BNC2: variants seen among roughly 807,000 people sequenced by gnomAD.
The protein encoded by BNC2 is basonuclin zinc finger protein 2.
In BNC2, 20 loss-of-function variants were observed where a neutral mutation model predicts 76.3. That is an observed-to-expected ratio of 0.26 (90% CI 0.18 to 0.38). The LOEUF (loss-of-function observed/expected upper bound fraction) is 0.38. Ranked by LOEUF, BNC2 falls within the 10% of genes least tolerant of loss-of-function variation. The probability of loss-of-function intolerance (pLI) is 1.00; values close to 1 mark genes in which losing one functional copy is unlikely to be tolerated. For missense variants in BNC2, 1,382 were observed against 1,399.8 expected, an observed-to-expected ratio of 0.99 and a Z score of 0.20; for synonymous variants, 582 against 514.8, an observed-to-expected ratio of 1.13 and a Z score of -1.77.
chr9:16,496,189 G>T (rs772892250), intron 5 of BNC2, among the ~76,000 whole-genome samples: 1 of 151,868 alleles, frequency 6.6e-6, no homozygotes, highest in African/African-American at 2.4e-5. Flanking sequence ...GATTACAAGC[G>T]TGAGCCACTG....
chr9:16,612,833 G>C (rs1337846940), intron 3 of BNC2, among the ~76,000 whole-genome samples: 1 of 152,158 alleles, frequency 6.6e-6, no homozygotes, highest in Non-Finnish European at 1.5e-5. Flanking sequence ...AGGCTTTCAA[G>C]AGGCACTGGA....
intron 1 of BNC2, among the ~76,000 whole-genome samples, chr9:16,793,805 G>A (rs1210044725): frequency 6.6e-6 from 1 of 150,560 alleles, no homozygotes; most frequent in African/African-American, 2.4e-5. Context: ...AGCTGGGACT[G>A]GGACTGCAGG....
intron 1 of BNC2, among the ~76,000 whole-genome samples, chr9:16,782,597 ACT>A (rs59203052): frequency 0.022 from 3,360 of 152,156 alleles, 114 homozygotes; most frequent in African/African-American, 0.076. Flanking sequence ...CCACTGGCTG[ACT>A]CTGAAGAATA....
intron 3 of BNC2, among the ~76,000 whole-genome samples, chr9:16,678,962 T>C (rs1320750469): frequency 6.6e-6 from 1 of 152,202 alleles, no homozygotes; most frequent in East Asian, 1.9e-4. Flanking sequence ...TCGCCCAAGA[T>C]AGTTGTTTTT....
At chr9:16,584,951 AG>A (rs528768936) in intron 3 of BNC2, among the ~76,000 whole-genome samples, 119 of 152,288 alleles carry the variant, frequency 7.8e-4, no homozygotes, top group Admixed American at 1.3e-3. Context: ...CAATAATAAA[AG>A]CTTTCATAAA....
chr9:16,526,865 A>G (rs77655800), intron 5 of BNC2, among the ~76,000 whole-genome samples: 3,554 of 152,330 alleles, frequency 0.023, 152 homozygotes, highest in African/African-American at 0.079. Flanking sequence ...AGTAGGAGAA[A>G]AAGACAAGTA....
intron 1 of BNC2, 129 bp from the exon 2 acceptor site, chr9:16,738,614 G>A: frequency 1.9e-6 from 2 of 1,065,094 alleles, no homozygotes; most frequent in South Asian, 2.9e-5. Flanking sequence ...TTTTTTAAGA[G>A]TTAATAGTTT....
At chr9:16,528,782 T>A (rs930158806) in intron 5 of BNC2, among the ~76,000 whole-genome samples, 1 of 152,142 alleles carries the variant, frequency 6.6e-6, no homozygotes, top group African/African-American at 2.4e-5. Context: ...TATATCCACA[T>A]AATGGGAAAT....
intron 3 of BNC2, among the ~76,000 whole-genome samples, chr9:16,702,060 T>C (rs1587331734): frequency 6.6e-6 from 1 of 152,320 alleles, no homozygotes; most frequent in African/African-American, 2.4e-5. Context: ...CACATTATTT[T>C]GCTCAACAAA....
chr9:16,766,078 C>T (rs904564070), intron 1 of BNC2, among the ~76,000 whole-genome samples: 5 of 152,172 alleles, frequency 3.3e-5, no homozygotes, highest in Non-Finnish European at 4.4e-5. Flanking sequence ...TGAGCCACCG[C>T]GCCCGGCACT....
chr9:16,663,128 C>CTTTTTTTTTTTTTTTTTTTTTTTTTT (rs1220327938), intron 3 of BNC2, among the ~76,000 whole-genome samples: 1 of 51,650 alleles, frequency 1.9e-5, no homozygotes, highest in African/African-American at 6.9e-5. Flanking sequence ...ACTCTGTTTA[C>CTTTTTTTTTTTTTTTTTTTTTTTTTT]TCTTTTTTTT....
At chr9:16,610,595 A>G (rs1820517598) in intron 3 of BNC2, among the ~76,000 whole-genome samples, 1 of 152,194 alleles carries the variant, frequency 6.6e-6, no homozygotes, top group Admixed American at 6.6e-5. Flanking sequence ...AATACAAAGT[A>G]GATCTTAAAA....
intron 5 of BNC2, among the ~76,000 whole-genome samples, chr9:16,438,474 C>T (rs1205503251): frequency 6.6e-6 from 1 of 152,002 alleles, no homozygotes; most frequent in Non-Finnish European, 1.5e-5. Flanking sequence ...TCATTTTTGC[C>T]AGTAACTATG....
At chr9:16,854,228 A>G (rs1819198998) in intron 1 of BNC2, among the ~76,000 whole-genome samples, 3 of 152,258 alleles carry the variant, frequency 2.0e-5, no homozygotes, top group Non-Finnish European at 4.4e-5. Context: ...GGAAGCTGCT[A>G]GAATTAACCA....
intron 1 of BNC2, among the ~76,000 whole-genome samples, chr9:16,866,551 G>A (rs1247363665): frequency 6.7e-6 from 1 of 149,920 alleles, no homozygotes; most frequent in Non-Finnish European, 1.5e-5. Context: ...TTAAAATATA[G>A]TATCTGGTTG....
At chr9:16,434,987 G>A in intron 6 of BNC2, 1 of 470,856 alleles carries the variant, frequency 2.1e-6, no homozygotes, top group Non-Finnish European at 4.4e-6. Context: ...AGAATTCAAG[G>A]ACACACTAAA....
At chr9:16,492,433 G>C (rs1822297742) in intron 5 of BNC2, among the ~76,000 whole-genome samples, 1 of 152,156 alleles carries the variant, frequency 6.6e-6, no homozygotes, top group Admixed American at 6.5e-5. Context: ...AAAACATGTA[G>C]TTTGTTTGTT....
At chr9:16,756,349 C>T (rs1386484634) in intron 1 of BNC2, among the ~76,000 whole-genome samples, 1 of 152,198 alleles carries the variant, frequency 6.6e-6, no homozygotes, top group Non-Finnish European at 1.5e-5. Context: ...TGCAGTCAAC[C>T]TCCAAATCTT....
chr9:16,770,666 T>C (rs986238502), intron 1 of BNC2, among the ~76,000 whole-genome samples: 8 of 138,944 alleles, frequency 5.8e-5, no homozygotes, highest in African/African-American at 2.1e-4. Context: ...TTTTTTTTTT[T>C]CCAGCATGGG....
Sources: gnomAD v4.1 joint callset for allele counts (sites outside exome capture counted in the v4.1 genomes callset) on GRCh38, gnomAD v4.1.1 for gene constraint, MANE v1.5 for transcripts, NCBI Gene and HGNC (gene_info 2026-07-23, HGNC 2026-07-21) for gene names.